The following ITPR1 variants were observed in gnomAD, a reference collection of about 807,000 sequenced individuals.
ITPR1 encodes inositol 1,4,5-trisphosphate receptor type 1, also known as inositol 1,4,5-trisphosphate-gated calcium channel ITPR1.
Under a neutral mutation model 318.4 loss-of-function variants are expected in ITPR1, and 96 were observed. The ratio of observed to expected loss-of-function variants is 0.30; its 90% CI spans 0.26 to 0.36. The LOEUF is 0.36. ITPR1 is among the 10% of genes least tolerant of loss of function. ITPR1 has a pLI of 1.00. For missense variants in ITPR1, 2,440 were observed against 3,460.2 expected (o/e 0.71, Z 7.40); for synonymous variants, 1,312 against 1,289.9 (o/e 1.02, Z -0.37).
intron 2 of ITPR1, among the ~76,000 whole-genome samples, chr3:4,510,997 G>C (rs1286792353): frequency 6.6e-6 from 1 of 152,140 alleles, no homozygotes; most frequent in African/African-American, 2.4e-5. Flanking sequence ...CTGAGAAATG[G>C]CTATGAAGGA....
chr3:4,811,196 T>A, intron 55 of ITPR1, 69 bp from the exon 56 acceptor site: 1 of 1,148,266 alleles, frequency 8.7e-7, no homozygotes, highest in South Asian at 1.9e-5. Flanking sequence ...AAACCAAGTT[T>A]GCATTATGGG....
intron 46 of ITPR1, among the ~76,000 whole-genome samples, chr3:4,771,832 G>C (rs2046208210): frequency 6.6e-6 from 1 of 152,072 alleles, no homozygotes; most frequent in African/African-American, 2.4e-5. Flanking sequence ...GCTTGGGGGA[G>C]CGCACGGGAT....
At chr3:4,542,909 T>A (rs304004) in intron 4 of ITPR1, among the ~76,000 whole-genome samples, 115,154 of 152,066 alleles carry the variant, frequency 0.76, 46,011 homozygotes, top group Non-Finnish European at 0.89. Context: ...ACTGCTTCAG[T>A]ACATTTCAAA....
At chr3:4,603,062 A>C (rs114428249) in intron 4 of ITPR1, among the ~76,000 whole-genome samples, 1 of 152,202 alleles carries the variant, frequency 6.6e-6, no homozygotes, top group East Asian at 1.9e-4. Context: ...ATATATGCAG[A>C]TGAAACAACA....
intron 4 of ITPR1, among the ~76,000 whole-genome samples, chr3:4,534,505 T>G (rs930180520): frequency 1.3e-5 from 2 of 152,186 alleles, no homozygotes; most frequent in African/African-American, 4.8e-5. Context: ...AATACATCTT[T>G]TCAAAGAACC....
At chr3:4,737,897 C>G (rs1056329767) in intron 44 of ITPR1, among the ~76,000 whole-genome samples, 1 of 152,168 alleles carries the variant, frequency 6.6e-6, no homozygotes, top group Non-Finnish European at 1.5e-5. Flanking sequence ...ACTCCGTGAT[C>G]GTATCCTTTG....
chr3:4,591,830 C>T (rs2090422678), intron 4 of ITPR1, among the ~76,000 whole-genome samples: 1 of 152,170 alleles, frequency 6.6e-6, no homozygotes, highest in Non-Finnish European at 1.5e-5. Context: ...TAATGGCTCA[C>T]TTCAACGTGG....
chr3:4,715,777 C>G (rs1416540990), intron 39 of ITPR1, among the ~76,000 whole-genome samples: 3 of 152,108 alleles, frequency 2.0e-5, no homozygotes, highest in African/African-American at 4.8e-5. Context: ...TACTTGAACC[C>G]AGGAGGTGGA....
At chr3:4,811,938 C>T (rs2048965176) in intron 56 of ITPR1, among the ~76,000 whole-genome samples, 1 of 152,004 alleles carries the variant, frequency 6.6e-6, no homozygotes, top group Admixed American at 6.6e-5. Flanking sequence ...AGGTGGGGTG[C>T]CTTGCACATA....
rs769357988 is a variant in ITPR1 at position 4,782,645 on chromosome 3, G to T, written c.6414G>T (p.Met2138Ile). The change falls in exon 50 of 62, where the codon ATG (methionine) becomes ATT (isoleucine). Residue 2138 changes from methionine (M) to isoleucine (I), a missense_variant. Met to Ile is a conservative substitution (Grantham distance 10, BLOSUM62 1). Transcript: ENST00000649015. ...ELVEVIKKAY[M>I]QGEVEFEDGE... ...TGGAAGTGATCAAGAAAGCCTACAT[G>T]CAAGGTGAAGTGGAATTTGAGGATG... 1.2e-6 allele frequency: 2 copies of T among 1,606,342 alleles called. No homozygotes were observed. The highest frequency in any genetic ancestry group is 1.7e-6 in the Non-Finnish European group (2 of 1,175,952).
At chr3:4,794,273 G>A (rs557388379) in intron 52 of ITPR1, among the ~76,000 whole-genome samples, 42 of 152,318 alleles carry the variant, frequency 2.8e-4, no homozygotes, top group Non-Finnish European at 5.0e-4. Flanking sequence ...CCCGGCCAGC[G>A]TGGGATAACC....
rs34548572 is a variant in ITPR1 at position 4,706,509 on chromosome 3, G to A, written c.4842+158G>A. Among the ~76,000 whole-genome samples the A allele has an allele frequency of 0.17, 25,383 of 152,204 alleles. 2,214 individuals carry two copies. The highest frequency in any genetic ancestry group is 0.2 in the Middle Eastern group (60 of 294). On this transcript the variant is annotated intron_variant, in intron 37 of 61. Coordinates refer to ENST00000649015, the MANE Select transcript of ITPR1 (RefSeq NM_001378452.1). Reference sequence around the variant, plus strand: ...AAATGTTATATATGTAGGGCCAGGAGTGGGAAGTTACTTAGGAATAGAAAA... The same window carrying A: ...AAATGTTATATATGTAGGGCCAGGAATGGGAAGTTACTTAGGAATAGAAAA...
intron 60 of ITPR1, among the ~76,000 whole-genome samples, chr3:4,821,113 C>A (rs1376754478): frequency 6.6e-6 from 1 of 152,214 alleles, no homozygotes; most frequent in African/African-American, 2.4e-5. Context: ...TGTAGCTACT[C>A]CAGCGTGGAG....
At chr3:4,621,102 A>T (rs2125117000) in intron 4 of ITPR1, among the ~76,000 whole-genome samples, 1 of 151,914 alleles carries the variant, frequency 6.6e-6, no homozygotes, top group East Asian at 1.9e-4. Context: ...CCCACTCCTC[A>T]TTCTTCCCTT....
intron 4 of ITPR1, among the ~76,000 whole-genome samples, chr3:4,538,305 A>G (rs1164180663): frequency 6.6e-6 from 1 of 152,252 alleles, no homozygotes; most frequent in African/African-American, 2.4e-5. Flanking sequence ...AAAGCTCGAC[A>G]TCACTGATCA....
rs531544639 is a variant in ITPR1 at position 4,739,059 on chromosome 3, T to A, written c.5544+3705T>A. 1.2e-4 allele frequency among the ~76,000 whole-genome samples: 19 copies of A among 152,358 alleles called. No homozygotes were observed. In the East Asian group the frequency reaches 2.1e-3, roughly 17 times the overall value. On this transcript the variant is annotated intron_variant, in intron 44 of 61. Coordinates refer to ENST00000649015, the MANE Select transcript of ITPR1 (RefSeq NM_001378452.1). Reference sequence around the variant, plus strand: ...TCAGAGCCCCTTGGCCCCAAGCTTCTCTTTCTCTGGAGAAAATGATGTGGA... The same window carrying A: ...TCAGAGCCCCTTGGCCCCAAGCTTCACTTTCTCTGGAGAAAATGATGTGGA...
chr3:4,708,331 C>T (rs1164840619), intron 37 of ITPR1, among the ~76,000 whole-genome samples: 1 of 152,084 alleles, frequency 6.6e-6, no homozygotes. Context: ...AACACTTAAA[C>T]GTGCATCTTA....
rs1316171488 is a variant in ITPR1, at chr3:4,828,223, A to T, written c.8029-8551A>T. ...AAACAAACACAATGCATTGTTGTAT[A>T]AAAGTAGTAATGGATCAAAGTTGAA... On this transcript the variant is annotated intron_variant, in intron 60 of 61. Transcript: ENST00000649015. Among the ~76,000 whole-genome samples, 5 of 152,210 alleles carry T rather than the reference A, an allele frequency of 3.3e-5. No homozygotes were observed. In the East Asian group the frequency reaches 9.6e-4, roughly 29 times the overall value.
chr3:4,666,655 T>G (rs964109135), intron 17 of ITPR1, among the ~76,000 whole-genome samples: 1 of 152,154 alleles, frequency 6.6e-6, no homozygotes, highest in Non-Finnish European at 1.5e-5. Flanking sequence ...ATTTAGGAAT[T>G]AATGGGAAAA....
Sources: allele counts gnomAD v4.1 joint callset (sites outside exome capture counted in the v4.1 genomes callset), GRCh38; gene constraint gnomAD v4.1.1; transcripts MANE v1.5; gene names NCBI Gene and HGNC (gene_info 2026-07-23, HGNC 2026-07-21).